The following INTS6 variants were observed in gnomAD, a reference collection of about 807,000 sequenced individuals.
INTS6 encodes integrator complex subunit 6.
A neutral mutation model predicts 104.9 loss-of-function variants in INTS6; 16 were observed. The ratio of observed to expected loss-of-function variants is 0.15; its 90% CI spans 0.10 to 0.23. INTS6 has a LOEUF of 0.23. Ranked by LOEUF, INTS6 falls within the 10% of genes least tolerant of loss-of-function variation. INTS6 has a pLI of 1.00. For synonymous variants in INTS6, 324 were observed against 358.7 expected (o/e 0.90, Z 1.09); for missense variants, 584 against 1,062.8 (o/e 0.55, Z 6.26).
rs1956091589 is a variant in INTS6 at position 51,383,761 on chromosome 13, A to G, written c.895-20T>C. On this transcript the variant is annotated intron_variant, in intron 7 of 17. Transcript: ENST00000311234. ...AGGTGGCTAAAGGGGAAAGTCTTGTAATTACTACTTACATGAAATTTCAGA... is the reference window on the plus strand; with the variant it reads ...AGGTGGCTAAAGGGGAAAGTCTTGTGATTACTACTTACATGAAATTTCAGA... 6.4e-7 allele frequency: 1 copy of G among 1,567,774 alleles called. No individual in the cohort carries two copies. Among genetic ancestry groups the G allele is most frequent in the Non-Finnish European group, 8.7e-7 (1 of 1,154,030 alleles).
chr13:51,388,362 G>T, intron 6 of INTS6, among the ~76,000 whole-genome samples: 1 of 150,812 alleles, frequency 6.6e-6, no homozygotes, highest in East Asian at 2.0e-4. Context: ...CTTTGTGTGT[G>T]TGTGTGTTTT....
At chr13:51,347,298 A>G in the INTS6 span, 1 of 1,381,802 alleles carries the variant, frequency 7.2e-7, no homozygotes, top group Non-Finnish European at 1.0e-6. Flanking sequence ...GGCAGGAGAG[A>G]GGAGGCCAGG....
intron 11 of INTS6, 66 bp downstream of exon 11, chr13:51,379,396 C>T (rs1956002697): frequency 3.8e-6 from 3 of 780,590 alleles, no homozygotes; most frequent in Non-Finnish European, 6.1e-6. Context: ...AGCTTTTAAC[C>T]TGTTTAACCA....
At chr13:51,408,830 T>C (rs981187269) in intron 4 of INTS6, among the ~76,000 whole-genome samples, 2 of 152,350 alleles carry the variant, frequency 1.3e-5, no homozygotes, top group Admixed American at 1.3e-4. Flanking sequence ...AATCATCTTA[T>C]TTAATCCTCC....
chr13:51,406,440 TCC>T (rs1275905806), intron 4 of INTS6, among the ~76,000 whole-genome samples: 1 of 148,256 alleles, frequency 6.7e-6, no homozygotes, highest in Non-Finnish European at 1.5e-5. Flanking sequence ...AACCACCTCC[TCC>T]CTGTTTCTTA....
chr13:51,408,711 T>C (rs1268252228), intron 4 of INTS6, among the ~76,000 whole-genome samples: 5 of 152,130 alleles, frequency 3.3e-5, no homozygotes, highest in African/African-American at 1.2e-4. Flanking sequence ...CTTAAAGACC[T>C]TTTGACCACA....
intron 4 of INTS6, among the ~76,000 whole-genome samples, chr13:51,416,920 T>C (rs1956797931): frequency 6.6e-6 from 1 of 152,222 alleles, no homozygotes; most frequent in African/African-American, 2.4e-5. Flanking sequence ...TATGTCATAG[T>C]AGGTGTAAAC....
chr13:51,386,613 A>C (rs1956144593), intron 7 of INTS6, among the ~76,000 whole-genome samples: 1 of 152,170 alleles, frequency 6.6e-6, no homozygotes, highest in South Asian at 2.1e-4. Context: ...TTTGAAGTAC[A>C]AAAGGTTTCA....
chr13:51,386,907 A>G (rs1236846003), intron 7 of INTS6, among the ~76,000 whole-genome samples: 5 of 152,170 alleles, frequency 3.3e-5, no homozygotes, highest in Admixed American at 6.5e-5. Flanking sequence ...TCCTAAAAAT[A>G]ATTCAGGTAA....
At chr13:51,376,209 C>G in intron 12 of INTS6, 35 bp from the exon 13 acceptor site, 1 of 1,555,604 alleles carries the variant, frequency 6.4e-7, no homozygotes, top group South Asian at 1.2e-5. Context: ...AATTTATTGT[C>G]AAACATAGAA....
chr13:51,401,845 G>A (rs544672238), intron 4 of INTS6, among the ~76,000 whole-genome samples: 1 of 151,894 alleles, frequency 6.6e-6, no homozygotes, highest in African/African-American at 2.4e-5. Flanking sequence ...GCCTAACCAG[G>A]AGTGGAAATA....
intron 17 of INTS6, among the ~76,000 whole-genome samples, chr13:51,367,591 AAAAGGTCCAT>A (rs1566203244): frequency 6.6e-6 from 1 of 152,098 alleles, no homozygotes; most frequent in African/African-American, 2.4e-5. Flanking sequence ...TTGTAGGGAG[AAAAGGTCCAT>A]AATTCCTGAA....
chr13:51,348,240 A>AG, the INTS6 span: 15 of 1,599,950 alleles, frequency 9.4e-6, no homozygotes, highest in Admixed American at 2.6e-4. Flanking sequence ...GCAGGCCATC[A>AG]GGTGGGGGTG....
Position 51,374,252 on chromosome 13 carries a change from G to C in INTS6, c.2060C>G (p.Thr687Ser). 6.2e-7 allele frequency: 1 copy of C among 1,614,052 alleles called. No individual in the cohort carries two copies. Among genetic ancestry groups the C allele is most frequent in the Non-Finnish European group, 8.5e-7 (1 of 1,179,936 alleles). Residue 687 changes from threonine to serine, a missense_variant, in exon 15 of 18, where the codon ACT becomes AGT. By Grantham distance (58) the Thr-to-Ser change is moderately conservative (BLOSUM62 1). Around this residue, in one of 5 missense-constraint regions of INTS6, gnomAD observed 296 missense variants for 437.0 expected, o/e 0.68. Coordinates refer to ENST00000311234, the MANE Select transcript of INTS6 (RefSeq NM_012141.3). ...IGGKGPPAPT[T>S]QAQPDLIKPL... is the part of the protein sequence containing the mutation. ...TTTAATAAGATCTGGCTGTGCTTGAGTTGTAGGTGCAGGTGGTCCTTTTCC... is the reference window on the plus strand; with the variant it reads ...TTTAATAAGATCTGGCTGTGCTTGACTTGTAGGTGCAGGTGGTCCTTTTCC...
intron 3 of INTS6, among the ~76,000 whole-genome samples, chr13:51,356,056 C>G (rs1428844350): frequency 1.3e-5 from 2 of 152,126 alleles, no homozygotes; most frequent in Admixed American, 6.5e-5. Flanking sequence ...CAAGAGAAGT[C>G]TTGGTTTGGG....
In INTS6 at chr13:51,383,582, A is replaced by C. The variant is rs1442312096; in HGVS notation, c.1047+7T>G. The C allele has an allele frequency of 6.2e-7, 1 of 1,612,642 alleles. No individual in the cohort carries two copies. The highest frequency in any genetic ancestry group is 1.3e-5 in the African/African-American group (1 of 75,034). ...ATTTTGGGGTCACTGTAAGTTGTTC[A>C]GCTTACCTGCCAACATGTTTGAGGA... On this transcript the variant is annotated splice_region_variant and intron_variant, in intron 8 of 17. Transcript: ENST00000311234.
chr13:51,415,589 C>CCT (rs1478837918), intron 4 of INTS6, among the ~76,000 whole-genome samples: 1 of 152,162 alleles, frequency 6.6e-6, no homozygotes, highest in African/African-American at 2.4e-5. Context: ...ATGACTTGCT[C>CCT]CTCCTTGCCT....
At chr13:51,384,241 T>A (rs1419266201) in intron 7 of INTS6, 3 of 158,734 alleles carry the variant, frequency 1.9e-5, no homozygotes, top group African/African-American at 7.2e-5. Context: ...GAACTTCTAA[T>A]GTTTCCTTCC....
At chr13:51,354,861 G>A (rs1378164192) in intron 3 of INTS6, among the ~76,000 whole-genome samples, 1 of 152,192 alleles carries the variant, frequency 6.6e-6, no homozygotes, top group Non-Finnish European at 1.5e-5. Flanking sequence ...GTACAGAGGT[G>A]GGGAAGAGCC....
Sources: allele counts gnomAD v4.1 joint callset (sites outside exome capture counted in the v4.1 genomes callset), GRCh38; gene constraint gnomAD v4.1.1; regional missense constraint gnomAD v4.1.1; transcripts MANE v1.5; gene names NCBI Gene and HGNC (gene_info 2026-07-23, HGNC 2026-07-21).